Variants in CDK19 observed in about 807,000 individuals in gnomAD.
CDK19 encodes cyclin dependent kinase 19.
A neutral mutation model predicts 68.3 loss-of-function variants in CDK19; 20 were observed. The observed-to-expected ratio is 0.29, with a 90% CI of 0.21 to 0.43. The LOEUF (loss-of-function observed/expected upper bound fraction) is 0.43, where lower values mean the gene tolerates loss of function less well. Ranked by LOEUF, CDK19 falls within the 20% of genes least tolerant of loss-of-function variation. The pLI, the probability that CDK19 is intolerant of heterozygous loss-of-function variation, is 1.00. For synonymous variants in CDK19, 221 were observed against 222.8 expected (o/e 0.99, Z 0.07); for missense variants, 339 against 623.5 (o/e 0.54, Z 4.86).
At chr6:110,638,931 T>C (rs908860186) in intron 4 of CDK19, among the ~76,000 whole-genome samples, 1 of 152,248 alleles carries the variant, frequency 6.6e-6, no homozygotes, top group Non-Finnish European at 1.5e-5. Context: ...TTCAAAATTA[T>C]ATCATACAAA....
At chr6:110,714,722 CTTTT>C (rs112875656) in intron 2 of CDK19, among the ~76,000 whole-genome samples, 2 of 69,856 alleles carry the variant, frequency 2.9e-5, no homozygotes, top group Non-Finnish European at 6.9e-5. Flanking sequence ...AATGTCTTTT[CTTTT>C]TTTTTTTTTT....
intron 6 of CDK19, among the ~76,000 whole-genome samples, chr6:110,628,687 T>C (rs1779250084): frequency 6.6e-6 from 1 of 152,238 alleles, no homozygotes; most frequent in South Asian, 2.1e-4. Flanking sequence ...GACTACTGTA[T>C]ATCCATTAGC....
At chr6:110,633,171 T>C (rs1402392378) in intron 5 of CDK19, among the ~76,000 whole-genome samples, 1 of 151,614 alleles carries the variant, frequency 6.6e-6, no homozygotes, top group Non-Finnish European at 1.5e-5. Flanking sequence ...GTGAGCCGAG[T>C]TCGTGCCACT....
At chr6:110,799,159 A>G in intron 1 of CDK19, among the ~76,000 whole-genome samples, 1 of 150,682 alleles carries the variant, frequency 6.6e-6, no homozygotes, top group Admixed American at 6.6e-5. Context: ...AAAAAAAAAA[A>G]AAAAAAAAAA....
intron 2 of CDK19, among the ~76,000 whole-genome samples, chr6:110,722,541 A>G (rs896160644): frequency 3.9e-5 from 6 of 151,912 alleles, no homozygotes; most frequent in African/African-American, 4.8e-5. Context: ...TTTGTTTAAA[A>G]AAAAAAAAAA....
chr6:110,716,268 T>G (rs1392146901), intron 2 of CDK19, among the ~76,000 whole-genome samples: 1 of 152,040 alleles, frequency 6.6e-6, no homozygotes, highest in Non-Finnish European at 1.5e-5. Context: ...TTTATTAGAG[T>G]ACGTAGCATG....
chr6:110,770,869 T>A (rs576167594), intron 1 of CDK19, among the ~76,000 whole-genome samples: 1 of 152,154 alleles, frequency 6.6e-6, no homozygotes, highest in African/African-American at 2.4e-5. Flanking sequence ...TACAGGCCCA[T>A]GCAAATCCGA....
chr6:110,718,356 A>T (rs1775566461), intron 2 of CDK19, among the ~76,000 whole-genome samples: 1 of 152,192 alleles, frequency 6.6e-6, no homozygotes, highest in Non-Finnish European at 1.5e-5. Context: ...GTGTGGAATT[A>T]GCCTCCTGCA....
At chr6:110,671,365 T>C (rs1040789898) in intron 2 of CDK19, among the ~76,000 whole-genome samples, 1 of 152,144 alleles carries the variant, frequency 6.6e-6, no homozygotes, top group Non-Finnish European at 1.5e-5. Flanking sequence ...TTAAACAGGG[T>C]TCAGATTTCA....
At chr6:110,688,265 G>A (rs1241921709) in intron 2 of CDK19, among the ~76,000 whole-genome samples, 1 of 151,800 alleles carries the variant, frequency 6.6e-6, no homozygotes, top group African/African-American at 2.4e-5. Flanking sequence ...CCTGAACCTG[G>A]GAGCCGGAGT....
intron 4 of CDK19, among the ~76,000 whole-genome samples, chr6:110,666,992 T>G (rs1781985017): frequency 6.6e-6 from 1 of 152,228 alleles, no homozygotes; most frequent in Non-Finnish European, 1.5e-5. Context: ...TTTATTCATT[T>G]GTTTATTAAT....
intron 1 of CDK19, among the ~76,000 whole-genome samples, chr6:110,801,453 C>A (rs1326584906): frequency 2.0e-5 from 3 of 152,120 alleles, no homozygotes; most frequent in African/African-American, 7.2e-5. Context: ...CCACTGCACT[C>A]CAGCCTCAGT....
chr6:110,782,561 C>A (rs529833289), intron 1 of CDK19, among the ~76,000 whole-genome samples: 27 of 152,312 alleles, frequency 1.8e-4, no homozygotes, highest in African/African-American at 6.5e-4. Flanking sequence ...TAAAACTATA[C>A]AGCAAACTGT....
intron 1 of CDK19, among the ~76,000 whole-genome samples, chr6:110,808,350 G>A (rs73532125): frequency 0.019 from 2,958 of 152,264 alleles, 100 homozygotes; most frequent in African/African-American, 0.068. Context: ...TACACCAGGA[G>A]TCAACAAACT....
intron 5 of CDK19, among the ~76,000 whole-genome samples, chr6:110,636,631 T>G (rs1446916591): frequency 2.6e-5 from 4 of 152,216 alleles, no homozygotes; most frequent in African/African-American, 7.2e-5. Context: ...CAGAGAGGAC[T>G]TTTGATAGAG....
intron 2 of CDK19, among the ~76,000 whole-genome samples, chr6:110,725,872 G>T (rs1358802676): frequency 6.6e-6 from 1 of 152,202 alleles, no homozygotes; most frequent in Non-Finnish European, 1.5e-5. Context: ...ACATCAAAGT[G>T]TAAAATCCTT....
intron 2 of CDK19, chr6:110,706,732 T>G (rs762263231): frequency 6.3e-6 from 1 of 158,366 alleles, no homozygotes; most frequent in African/African-American, 2.4e-5. Flanking sequence ...ACACTGTTGA[T>G]AGACTCTTCC....
At chr6:110,741,512 A>T (rs578062940) in intron 2 of CDK19, among the ~76,000 whole-genome samples, 1 of 151,744 alleles carries the variant, frequency 6.6e-6, no homozygotes, top group Admixed American at 6.6e-5. Context: ...ATGGCTGAAA[A>T]CTTTTCAAAT....
intron 2 of CDK19, among the ~76,000 whole-genome samples, chr6:110,733,202 C>T (rs529201453): frequency 1.3e-5 from 2 of 152,262 alleles, no homozygotes; most frequent in South Asian, 4.1e-4. Flanking sequence ...AAACCATACC[C>T]ATATGTGTTA....
Sources: allele counts gnomAD v4.1 joint callset (sites outside exome capture counted in the v4.1 genomes callset), GRCh38; gene constraint gnomAD v4.1.1; transcripts MANE v1.5; gene names NCBI Gene and HGNC (gene_info 2026-07-23, HGNC 2026-07-21).